Variants in PRKAG2 observed in about 807,000 individuals in gnomAD.
PRKAG2 encodes the protein protein kinase AMP-activated non-catalytic subunit gamma 2.
PRKAG2 carries 26 observed loss-of-function variants against 69.6 expected under a neutral mutation model. The observed-to-expected ratio is 0.37, with a 90% confidence interval of 0.27 to 0.52. The LOEUF (loss-of-function observed/expected upper bound fraction) is 0.52, where lower values mean the gene tolerates loss of function less well. Ranked by LOEUF, PRKAG2 falls within the 20% of genes least tolerant of loss-of-function variation. The pLI is 0.90. For synonymous variants in PRKAG2, 293 were observed against 285.0 expected (o/e 1.03, Z -0.28); for missense variants, 557 against 740.0 (o/e 0.75, Z 2.87).
chr7:151,766,795 A>T (rs2075755372), intron 3 of PRKAG2, among the ~76,000 whole-genome samples: 2 of 152,188 alleles, frequency 1.3e-5, no homozygotes, highest in African/African-American at 4.8e-5. Flanking sequence ...CCACTAACTC[A>T]TCTTTCTCCA....
chr7:151,861,933 C>T (rs1563762853), intron 1 of PRKAG2, among the ~76,000 whole-genome samples: 1 of 151,516 alleles, frequency 6.6e-6, no homozygotes, highest in African/African-American at 2.4e-5. Flanking sequence ...AAAAACCATC[C>T]CATCTTCCTG....
intron 1 of PRKAG2, among the ~76,000 whole-genome samples, chr7:151,824,246 T>C (rs1401618737): frequency 6.6e-6 from 1 of 152,182 alleles, no homozygotes; most frequent in Non-Finnish European, 1.5e-5. Context: ...GGAAGCTTCG[T>C]AATTGGTTCA....
At chr7:151,847,446 C>T (rs1030549560) in intron 1 of PRKAG2, among the ~76,000 whole-genome samples, 2 of 152,180 alleles carry the variant, frequency 1.3e-5, no homozygotes, top group Non-Finnish European at 2.9e-5. Context: ...TCCTCACGGA[C>T]GCTGGCCTTG....
intron 1 of PRKAG2, among the ~76,000 whole-genome samples, chr7:151,847,122 C>A (rs2079451217): frequency 6.6e-6 from 1 of 152,242 alleles, no homozygotes; most frequent in Non-Finnish European, 1.5e-5. Flanking sequence ...GTTCTGGAAT[C>A]TCCCAGTGAA....
At position 151,780,039 on chromosome 7, in the gene PRKAG2, C is replaced by T. The variant is rs771683493; in HGVS notation, c.466+1113G>A. The stretch of plus-strand genomic sequence containing the variant: ...CAGGACCTGCCCCCCACAACACACA[C>T]ACAACCCACAGGCGGGAGCACCTTC... On this transcript the variant is annotated intron_variant, in intron 3 of 15. Coordinates refer to ENST00000287878, the MANE Select transcript of PRKAG2 (RefSeq NM_016203.4). This position sits in a 1 kb window ranked among gnomAD's most constrained non-coding sequence, Gnocchi z 4.2. 3.6e-4 allele frequency among the ~76,000 whole-genome samples: 55 copies of T among 152,250 alleles called. No homozygotes were observed. Among genetic ancestry groups the T allele is most frequent in the Admixed American group, 3.6e-3 (55 of 15,286 alleles).
chr7:151,772,977 AAATG>A (rs1168012217), intron 3 of PRKAG2, among the ~76,000 whole-genome samples: 4 of 136,470 alleles, frequency 2.9e-5, no homozygotes, highest in Non-Finnish European at 4.6e-5. Context: ...CCCTGTCTCT[AAATG>A]AATGAAAGAA....
At chr7:151,725,242 C>T (rs879035664) in intron 3 of PRKAG2, among the ~76,000 whole-genome samples, 16 of 152,238 alleles carry the variant, frequency 1.1e-4, no homozygotes, top group South Asian at 8.4e-4. Flanking sequence ...CCCACACACA[C>T]GAAGGACATC....
intron 3 of PRKAG2, among the ~76,000 whole-genome samples, chr7:151,765,855 T>C (rs926483289): frequency 3.9e-5 from 6 of 152,204 alleles, no homozygotes; most frequent in African/African-American, 1.4e-4. Flanking sequence ...AATTCCCCAA[T>C]TAGCCCTGGC....
Position 151,675,613 on chromosome 7 carries a change from G to A in PRKAG2, c.491C>T (p.Ser164Leu). 1.9e-6 allele frequency: 3 copies of A among 1,613,940 alleles called. No homozygotes were observed. Among genetic ancestry groups the A allele is most frequent in the Non-Finnish European group, 2.5e-6 (3 of 1,179,798 alleles). ...CTGCTTGGTCACTTGGGTGGGTGTT[G>A]ACGGAGAGGAGGAGAGGCCGGAGGC... The part of the protein sequence containing the change: ...RKTSGLSSSP[S>L]TPTQVTKQHT... The change falls in exon 4 of 16, where the codon TCA becomes TTA. Residue 164 changes from serine to leucine, a missense_variant. Ser to Leu is a moderately radical substitution (Grantham distance 145). Around this residue, in one of 2 missense-constraint regions of PRKAG2, gnomAD observed 352 missense variants for 356.7 expected, o/e 0.99. Coordinates refer to ENST00000287878, the MANE Select transcript of PRKAG2 (RefSeq NM_016203.4).
intron 3 of PRKAG2, among the ~76,000 whole-genome samples, chr7:151,704,788 G>A (rs986682179): frequency 7.9e-5 from 12 of 152,206 alleles, no homozygotes; most frequent in African/African-American, 2.9e-4. Context: ...TGCCTCCCGG[G>A]GCGCCACGGC....
intron 4 of PRKAG2, among the ~76,000 whole-genome samples, chr7:151,640,185 C>A (rs557401535): frequency 4.6e-5 from 7 of 152,188 alleles, no homozygotes; most frequent in African/African-American, 1.7e-4. Context: ...GGGCATGCAC[C>A]TGTAATTCCA....
chr7:151,736,256 G>A, intron 3 of PRKAG2: 1 of 1,325,808 alleles, frequency 7.5e-7, no homozygotes, highest in East Asian at 2.9e-5. Context: ...TGCACCTCCG[G>A]CCACAGCAGC....
At chr7:151,569,144 G>C (rs1806966738) in intron 10 of PRKAG2, among the ~76,000 whole-genome samples, 1 of 152,236 alleles carries the variant, frequency 6.6e-6, no homozygotes, top group Non-Finnish European at 1.5e-5. Flanking sequence ...TGACCTCCCG[G>C]GCTCAGGTGA....
chr7:151,870,933 T>C (rs553330379), intron 1 of PRKAG2, among the ~76,000 whole-genome samples: 1 of 152,178 alleles, frequency 6.6e-6, no homozygotes, highest in Non-Finnish European at 1.5e-5. Context: ...CTGGAGCACC[T>C]CTCCCCAGAG....
At chr7:151,685,375 C>T (rs540245404) in intron 3 of PRKAG2, among the ~76,000 whole-genome samples, 8 of 152,308 alleles carry the variant, frequency 5.3e-5, no homozygotes, top group Non-Finnish European at 1.2e-4. Context: ...ATTTCAGCTT[C>T]AGCACCCCTT....
intron 3 of PRKAG2, among the ~76,000 whole-genome samples, chr7:151,686,881 G>A (rs1834820560): frequency 6.6e-6 from 1 of 152,056 alleles, no homozygotes; most frequent in Non-Finnish European, 1.5e-5. Flanking sequence ...AAATATCTGA[G>A]TGATCTTCAA....
At chr7:151,851,663 G>A (rs1041156989) in intron 1 of PRKAG2, among the ~76,000 whole-genome samples, 1 of 152,194 alleles carries the variant, frequency 6.6e-6, no homozygotes, top group Non-Finnish European at 1.5e-5. Context: ...TGGCACCTAG[G>A]GGAGAGCGCT....
At chr7:151,665,469 GT>G (rs1333820551) in intron 4 of PRKAG2, among the ~76,000 whole-genome samples, 1 of 152,178 alleles carries the variant, frequency 6.6e-6, no homozygotes, top group African/African-American at 2.4e-5. Flanking sequence ...GATTCCAACA[GT>G]GCAGGAACAT....
chr7:151,629,005 C>T (rs553458672), intron 5 of PRKAG2, among the ~76,000 whole-genome samples: 1 of 152,162 alleles, frequency 6.6e-6, no homozygotes, highest in Non-Finnish European at 1.5e-5. Flanking sequence ...ACGTGCCACC[C>T]CCTAAGGCAC....
Sources: allele counts gnomAD v4.1 joint callset (sites outside exome capture counted in the v4.1 genomes callset), GRCh38; gene constraint gnomAD v4.1.1; regional missense constraint gnomAD v4.1.1; non-coding constraint Gnocchi (gnomAD v3.1); transcripts MANE v1.5; gene names NCBI Gene and HGNC (gene_info 2026-07-23, HGNC 2026-07-21).